DLGAP2: variants seen among roughly 807,000 people sequenced by gnomAD.
DLGAP2 encodes the protein disks large-associated protein 2.
A neutral mutation model predicts 100.3 loss-of-function variants in DLGAP2; 26 were observed. That is an observed-to-expected ratio of 0.26 (90% CI 0.19 to 0.36). The LOEUF is 0.36. DLGAP2 is among the 10% of genes least tolerant of loss of function. The pLI is 1.00. For synonymous variants in DLGAP2, 886 were observed against 630.1 expected (o/e 1.41, Z -6.08); for missense variants, 1,858 against 1,453.2 (o/e 1.28, Z -4.53).
intron 3 of DLGAP2, among the ~76,000 whole-genome samples, chr8:1,414,582 C>T (rs1036359627): frequency 2.0e-5 from 3 of 152,182 alleles, no homozygotes; most frequent in Non-Finnish European, 2.9e-5. Context: ...AGAGTGGAGG[C>T]AGAACACGGC....
intron 1 of DLGAP2, among the ~76,000 whole-genome samples, chr8:800,889 C>T (rs986285138): frequency 2.6e-5 from 4 of 152,256 alleles, no homozygotes; most frequent in East Asian, 3.9e-4. Flanking sequence ...CAGCAATCCC[C>T]GGCCGTGCTG....
intron 4 of DLGAP2, among the ~76,000 whole-genome samples, chr8:1,535,962 C>T (rs535564938): frequency 1.1e-4 from 17 of 152,316 alleles, no homozygotes; most frequent in African/African-American, 3.6e-4. Flanking sequence ...GTGGCAGACA[C>T]GTTGCCATCC....
At chr8:970,988 C>T (rs552162863) in intron 2 of DLGAP2, among the ~76,000 whole-genome samples, 19 of 152,222 alleles carry the variant, frequency 1.2e-4, no homozygotes, top group African/African-American at 4.3e-4. Flanking sequence ...CATGTTTAAC[C>T]GTAAACCTTA....
In DLGAP2 at chr8:1,624,757, C is replaced by T. The variant is rs138407195; in HGVS notation, c.1443-1983C>T. ...TGCCCGTCCCACTGCCCAGGTGCAG[C>T]GGGAGTCGGCGGGCATCGATGTGAA... On this transcript the variant is annotated intron_variant, in intron 6 of 14. Coordinates refer to ENST00000637795, the MANE Select transcript of DLGAP2 (RefSeq NM_001346810.2). Among the ~76,000 whole-genome samples the T allele has an allele frequency of 8.4e-4, 127 of 151,996 alleles. No individual in the cohort carries two copies. The Middle Eastern group carries it at 0.014, about 16-fold the overall frequency.
intron 5 of DLGAP2, among the ~76,000 whole-genome samples, chr8:1,551,313 T>A (rs1284876717): frequency 2.6e-5 from 4 of 152,226 alleles, no homozygotes; most frequent in Admixed American, 2.6e-4. Flanking sequence ...CTCCTCATTG[T>A]CACAGACACA....
Position 1,185,699 on chromosome 8 carries a change from ACACT to A in DLGAP2, c.74-73148_74-73145del, listed in dbSNP as rs142791560. 4.2e-3 allele frequency among the ~76,000 whole-genome samples: 499 copies of A among 119,832 alleles called. 4 individuals are homozygous for A. Among genetic ancestry groups the A allele is most frequent in the Non-Finnish European group, 6.7e-3 (411 of 61,794 alleles). The allele number at this position is 119,832 out of a possible 152,430, so 78.6% of individuals were successfully genotyped here. ...CAATGTAAACTAGCTGTAAACACAC[ACACT>A]CACACTCACACACACACACACACTC... On this transcript the variant is annotated intron_variant, in intron 2 of 14. Transcript: ENST00000637795.
At chr8:902,564 A>C (rs2128997632) in intron 1 of DLGAP2, among the ~76,000 whole-genome samples, 1 of 116,932 alleles carries the variant, frequency 8.6e-6, no homozygotes, top group East Asian at 2.4e-4. Flanking sequence ...ATCACAAGAA[A>C]ACAGCGGGGC....
intron 3 of DLGAP2, among the ~76,000 whole-genome samples, chr8:1,407,505 C>T (rs78768850): frequency 2.7e-5 from 4 of 145,896 alleles, no homozygotes; most frequent in Admixed American, 6.8e-5. Context: ...TACTGAGCGC[C>T]ACCTCCTCAT....
At chr8:802,423 G>C (rs1320883880) in intron 1 of DLGAP2, among the ~76,000 whole-genome samples, 1 of 152,244 alleles carries the variant, frequency 6.6e-6, no homozygotes, top group Admixed American at 6.5e-5. Flanking sequence ...CCCCTGGGCA[G>C]CATCTCCACC....
chr8:858,171 T>C (rs957161940), intron 1 of DLGAP2, among the ~76,000 whole-genome samples: 4 of 152,338 alleles, frequency 2.6e-5, no homozygotes, highest in South Asian at 2.1e-4. Context: ...TGAATGTTTA[T>C]AGCAGCTTGG....
At position 1,390,820 on chromosome 8, in the gene DLGAP2, A is replaced by G. The variant is rs757885; in HGVS notation, c.107-110546A>G. Among the ~76,000 whole-genome samples, 551 of 152,354 alleles carry G rather than the reference A, an allele frequency of 3.6e-3. 11 individuals carry two copies. In the East Asian group the frequency reaches 0.051, roughly 14 times the overall value. On this transcript the variant is annotated intron_variant, in intron 3 of 14. Transcript: ENST00000637795. The stretch of plus-strand genomic sequence containing the variant: ...AGTCTCTTATCCACAGAGCGAGCCC[A>G]TAGCGAATGCAAACACACTGTGCTG...
intron 2 of DLGAP2, among the ~76,000 whole-genome samples, chr8:1,181,855 G>A (rs1797395983): frequency 2.0e-5 from 3 of 152,134 alleles, no homozygotes; most frequent in Admixed American, 2.0e-4. Context: ...TCCCTGCACG[G>A]CACCCCCTGG....
At chr8:1,574,722 A>G (rs576709131) in intron 6 of DLGAP2, among the ~76,000 whole-genome samples, 1 of 152,322 alleles carries the variant, frequency 6.6e-6, no homozygotes, top group East Asian at 1.9e-4. Context: ...AAGTTGGTTG[A>G]CCCACATTAA....
At chr8:1,449,840 TAGC>T (rs1798092524) in intron 3 of DLGAP2, among the ~76,000 whole-genome samples, 1 of 88,570 alleles carries the variant, frequency 1.1e-5, no homozygotes, top group Non-Finnish European at 2.1e-5. Context: ...GCTGTGACTG[TAGC>T]GGAGCTGTGA....
intron 10 of DLGAP2, among the ~76,000 whole-genome samples, chr8:1,671,224 G>A (rs1266607673): frequency 6.6e-6 from 1 of 152,216 alleles, no homozygotes; most frequent in East Asian, 1.9e-4. Flanking sequence ...ATCCCAGAAT[G>A]ATTCCGTGCC....
At chr8:1,172,026 T>C (rs1032467508) in intron 2 of DLGAP2, among the ~76,000 whole-genome samples, 6 of 152,156 alleles carry the variant, frequency 3.9e-5, no homozygotes, top group South Asian at 2.1e-4. Flanking sequence ...TGGTACTGGT[T>C]GTTCCTTTTC....
chr8:938,677 C>T (rs534493272), intron 2 of DLGAP2, among the ~76,000 whole-genome samples: 17 of 152,306 alleles, frequency 1.1e-4, no homozygotes, highest in Middle Eastern at 3.4e-3. Context: ...GGTGACCAGC[C>T]GGCATGGCAG....
At chr8:1,086,806 A>G (rs1803987559) in intron 2 of DLGAP2, among the ~76,000 whole-genome samples, 1 of 152,232 alleles carries the variant, frequency 6.6e-6, no homozygotes, top group African/African-American at 2.4e-5. Flanking sequence ...TGATGCAGCA[A>G]TCATAGGGCA....
chr8:1,639,822 C>T (rs1444824507), intron 8 of DLGAP2, among the ~76,000 whole-genome samples: 1 of 152,216 alleles, frequency 6.6e-6, no homozygotes, highest in Non-Finnish European at 1.5e-5. Context: ...CAGCCTGGGC[C>T]TCCATTGTCC....
Sources: gnomAD v4.1 joint callset for allele counts (sites outside exome capture counted in the v4.1 genomes callset) on GRCh38, gnomAD v4.1.1 for gene constraint, MANE v1.5 for transcripts, NCBI Gene and HGNC (gene_info 2026-07-23, HGNC 2026-07-21) for gene names.